The following EWSR1 variants were observed in gnomAD, a reference collection of about 807,000 sequenced individuals.
EWSR1 encodes the protein EWS RNA binding protein 1.
EWSR1 carries 14 observed loss-of-function variants against 92.1 expected under a neutral mutation model. That is an observed-to-expected ratio of 0.15 (90% CI 0.10 to 0.24). The LOEUF (loss-of-function observed/expected upper bound fraction) is 0.24, where lower values mean the gene tolerates loss of function less well. Ranked by LOEUF, EWSR1 falls within the 10% of genes least tolerant of loss-of-function variation. The probability of loss-of-function intolerance (pLI) is 1.00; values close to 1 mark genes in which losing one functional copy is unlikely to be tolerated. For synonymous variants in EWSR1, 303 were observed against 292.9 expected (o/e 1.03, Z -0.35); for missense variants, 637 against 870.9 (o/e 0.73, Z 3.38).
intron 1 of EWSR1, among the ~76,000 whole-genome samples, chr22:29,271,979 C>CA (rs1169738429): frequency 6.6e-6 from 1 of 152,108 alleles, no homozygotes; most frequent in South Asian, 2.1e-4. Flanking sequence ...GTATACCTGC[C>CA]AAATCAGCTG....
intron 1 of EWSR1, 52 bp downstream of exon 1, chr22:29,268,401 T>TG (rs752261478): frequency 5.6e-6 from 9 of 1,613,590 alleles, no homozygotes; most frequent in South Asian, 1.1e-5. Flanking sequence ...ACGCCCAAAC[T>TG]GGGGGTCGTT....
intron 4 of EWSR1, chr22:29,274,375 C>T (rs1307341192): frequency 1.4e-6 from 2 of 1,441,530 alleles, no homozygotes; most frequent in African/African-American, 1.4e-5. Flanking sequence ...ATTTGTTGAA[C>T]CCCCAAACTT....
At chr22:29,291,502 G>C in intron 8 of EWSR1, 60 bp from the exon 9 acceptor site, 4 of 1,562,290 alleles carry the variant, frequency 2.6e-6, no homozygotes, top group Non-Finnish European at 3.5e-6. Context: ...CCCCCCCAAG[G>C]CTCAGAGCGG....
intron 11 of EWSR1, among the ~76,000 whole-genome samples, chr22:29,293,395 G>C (rs2060595313): frequency 6.6e-6 from 1 of 152,066 alleles, no homozygotes; most frequent in Admixed American, 6.6e-5. Context: ...TTCAGTTCTT[G>C]CTCTTCTGTA....
chr22:29,298,554 G>A (rs1048866377), intron 13 of EWSR1, among the ~76,000 whole-genome samples, 179 bp from the exon 14 acceptor site: 16 of 151,928 alleles, frequency 1.1e-4, no homozygotes, highest in Non-Finnish European at 1.6e-4. Flanking sequence ...TGTAGAGCAC[G>A]TGGAACACGC....
rs111270799 is a variant in EWSR1 at position 29,299,771 on chromosome 22, C to T, written c.1851C>T (p.Gly617=). Residue 617 remains glycine (G), a synonymous_variant, in exon 16 of 17, where the codon GGC becomes GGT. Coordinates refer to ENST00000397938, the MANE Select transcript of EWSR1 (RefSeq NM_005243.4). The part of the protein sequence containing the change: ...RGGFGGGRRG[G]PGGPPGPLME... Reference sequence around the variant, plus strand: ...GCTTTGGTGGAGGAAGACGAGGTGGCCCTGGGGGGCCCCCTGGACCTTTGA... The same window carrying T: ...GCTTTGGTGGAGGAAGACGAGGTGGTCCTGGGGGGCCCCCTGGACCTTTGA... 867 of 1,602,254 alleles carry T rather than the reference C, an allele frequency of 5.4e-4. 6 individuals carry two copies. In the African/African-American group the frequency reaches 0.011, roughly 20 times the overall value.
intron 6 of EWSR1, among the ~76,000 whole-genome samples, chr22:29,285,262 T>A (rs2059940126): frequency 1.3e-5 from 2 of 150,368 alleles, no homozygotes; most frequent in Admixed American, 1.3e-4. Context: ...TAGCTGGGAC[T>A]ATAGGCGTGT....
chr22:29,288,188 A>C (rs982921664), intron 7 of EWSR1, among the ~76,000 whole-genome samples: 2 of 152,184 alleles, frequency 1.3e-5, no homozygotes, highest in African/African-American at 4.8e-5. Flanking sequence ...GGGATTTCTC[A>C]ACAACTCAAA....
At chr22:29,292,409 T>G in intron 10 of EWSR1, 79 bp from the exon 11 acceptor site, 1 of 996,140 alleles carries the variant, frequency 1.0e-6, no homozygotes. Context: ...ATGAATATCC[T>G]TGGGCAGTAG....
chr22:29,296,412 A>G, intron 12 of EWSR1, 44 bp downstream of exon 12: 1 of 1,607,614 alleles, frequency 6.2e-7, no homozygotes, highest in African/African-American at 1.3e-5. Context: ...TGGCTATAGA[A>G]TATGGCATGA....
chr22:29,272,752 G>C (rs2058781858), intron 3 of EWSR1, among the ~76,000 whole-genome samples: 1 of 152,186 alleles, frequency 6.6e-6, no homozygotes, highest in South Asian at 2.1e-4. Flanking sequence ...CAAAGGAAGA[G>C]GATGATATGA....
At chr22:29,288,826 C>T (rs1372182214) in intron 8 of EWSR1, 40 bp downstream of exon 8, 2 of 1,498,838 alleles carry the variant, frequency 1.3e-6, no homozygotes, top group South Asian at 1.3e-5. Context: ...AATTTTGTTT[C>T]ATCCATAGGA....
At chr22:29,276,462 A>G (rs1027170723) in intron 4 of EWSR1, 12 of 221,166 alleles carry the variant, frequency 5.4e-5, no homozygotes, top group Non-Finnish European at 8.1e-5. Flanking sequence ...GAGAAGAAAG[A>G]GTATTATTAT....
rs569537681 is a variant in EWSR1 at position 29,274,427 on chromosome 22, C to T, written c.226+563C>T. On this transcript the variant is annotated intron_variant, in intron 4 of 16. Transcript: ENST00000397938. ...GCAAGGTGCTAATGAAAAACTGCTTCAGGTGCCATTTGCAGATCCATGTCC... is the reference window on the plus strand; with the variant it reads ...GCAAGGTGCTAATGAAAAACTGCTTTAGGTGCCATTTGCAGATCCATGTCC... The T allele has an allele frequency of 9.0e-5, 74 of 823,444 alleles. No homozygotes were observed. In the African/African-American group the frequency reaches 1.0e-3, roughly 12 times the overall value. The allele number at this position is 823,444 out of a possible 1,614,324, so 51.0% of individuals were successfully genotyped here. A position where few individuals can be genotyped will look rare whatever the true frequency, so the allele number is the denominator to read the frequency against.
chr22:29,299,120 T>C, intron 14 of EWSR1, 114 bp from the exon 15 acceptor site: 4 of 1,580,044 alleles, frequency 2.5e-6, no homozygotes, highest in Non-Finnish European at 3.5e-6. Flanking sequence ...CCCTAAAGCA[T>C]GGGTGTACAT....
At chr22:29,283,578 TG>T (rs1443354947) in intron 6 of EWSR1, among the ~76,000 whole-genome samples, 6 of 151,172 alleles carry the variant, frequency 4.0e-5, no homozygotes, top group Non-Finnish European at 7.4e-5. Context: ...CAGGCTGGAG[TG>T]CAATGGCACA....
At chr22:29,284,217 ACCTTGGCCTCCC>A (rs1235854952) in intron 6 of EWSR1, among the ~76,000 whole-genome samples, 15 of 151,054 alleles carry the variant, frequency 9.9e-5, no homozygotes, top group African/African-American at 3.7e-4. Flanking sequence ...TGATCCGCCC[ACCTTGGCCTCCC>A]AAAGTGCTGG....
intron 11 of EWSR1, among the ~76,000 whole-genome samples, chr22:29,294,402 C>G (rs374203221): frequency 6.6e-6 from 1 of 150,822 alleles, no homozygotes; most frequent in Non-Finnish European, 1.5e-5. Context: ...GTCAGGAGAT[C>G]GAGACCATCC....
At chr22:29,283,399 A>G (rs2059767510) in intron 6 of EWSR1, among the ~76,000 whole-genome samples, 1 of 152,126 alleles carries the variant, frequency 6.6e-6, no homozygotes, top group Non-Finnish European at 1.5e-5. Context: ...TCTGTTGCAC[A>G]GGCTGGAGTG....
Sources: allele counts gnomAD v4.1 joint callset (sites outside exome capture counted in the v4.1 genomes callset), GRCh38; gene constraint gnomAD v4.1.1; transcripts MANE v1.5; gene names NCBI Gene and HGNC (gene_info 2026-07-23, HGNC 2026-07-21).